The following DFFB variants were observed in gnomAD, a reference collection of about 807,000 sequenced individuals.
DFFB encodes DNA fragmentation factor 40 kDa subunit.
Under a neutral mutation model 32.7 loss-of-function variants are expected in DFFB, and 29 were observed. The observed-to-expected ratio is 0.89, with a 90% confidence interval of 0.66 to 1.21. The LOEUF (loss-of-function observed/expected upper bound fraction) is 1.21, where lower values mean the gene tolerates loss of function less well. DFFB is among the 50% of genes most tolerant of loss of function. DFFB has a pLI of 0.00. For missense variants in DFFB, 398 were observed against 440.6 expected, an observed-to-expected ratio of 0.90 and a Z score of 0.87; for synonymous variants, 170 against 177.1, an observed-to-expected ratio of 0.96 and a Z score of 0.32.
In DFFB at chr1:3,876,238, G is replaced by A. The variant is rs79859351; in HGVS notation, c.782+3666G>A. ...AAGTACCCAAAAATGTTTTCTCCCC[G>A]CCATCCAAATGCTCTTGTCCTTTTC... is the stretch of plus-strand genomic sequence containing the variant. On this transcript the variant is annotated intron_variant, in intron 6 of 6. Coordinates refer to ENST00000378209, the MANE Select transcript of DFFB (RefSeq NM_004402.4). Among the ~76,000 whole-genome samples the A allele has an allele frequency of 8.0e-3, 1,212 of 152,238 alleles. 11 individuals carry two copies. Among genetic ancestry groups the A allele is most frequent in the African/African-American group, 0.027 (1,120 of 41,530 alleles).
At chr1:3,868,280 C>T (rs1018212131) in intron 4 of DFFB, among the ~76,000 whole-genome samples, 5 of 152,094 alleles carry the variant, frequency 3.3e-5, no homozygotes, top group African/African-American at 9.7e-5. Flanking sequence ...CTTGAGGTCA[C>T]GGGTTGGGGA....
intron 6 of DFFB, chr1:3,872,984 G>A (rs956545868): frequency 3.9e-6 from 5 of 1,266,854 alleles, no homozygotes; most frequent in Non-Finnish European, 5.1e-6. Flanking sequence ...GATAGGTAAG[G>A]GTGTTTTTCC....
intron 4 of DFFB, among the ~76,000 whole-genome samples, chr1:3,868,687 A>AAGC (rs1557716328): frequency 9.3e-5 from 13 of 140,160 alleles, no homozygotes; most frequent in Middle Eastern, 3.7e-3. Context: ...ACGCCACACC[A>AAGC]CACCAGGCCA....
chr1:3,862,166 G>C (rs1293316721), intron 2 of DFFB, among the ~76,000 whole-genome samples: 1 of 152,190 alleles, frequency 6.6e-6, no homozygotes, highest in African/African-American at 2.4e-5. Flanking sequence ...ACAAAAAATT[G>C]TAATACTTAT....
chr1:3,883,936 T>C lies in DFFB; in HGVS notation c.*195T>C. ...TTGGGGTTTTTTTTGTTGTTTTGTT[T>C]TGTTTTGTAGATGGAGTTTCACTTT... On this transcript the variant is annotated 3_prime_UTR_variant, in exon 7 of 7. Transcript: ENST00000378209. The C allele has an allele frequency of 1.7e-6, 1 of 595,946 alleles. No homozygotes were observed. Among genetic ancestry groups the C allele is most frequent in the Non-Finnish European group, 2.9e-6 (1 of 339,774 alleles). 36.9% of individuals were successfully genotyped at this position (595,946 alleles called of 1,614,324 possible).
chr1:3,864,391 C>G (rs183417593), intron 2 of DFFB, among the ~76,000 whole-genome samples: 1 of 152,316 alleles, frequency 6.6e-6, no homozygotes, highest in South Asian at 2.1e-4. Flanking sequence ...CTTTCCACTG[C>G]GCAGTTTCTG....
intron 4 of DFFB, among the ~76,000 whole-genome samples, chr1:3,868,693 G>GCCCACACCACACCAA (rs1645046540): frequency 1.1e-3 from 8 of 6,984 alleles, no homozygotes; most frequent in Non-Finnish European, 2.5e-3. Context: ...CACCACACCA[G>GCCCACACCACACCAA]GCCACACCAC....
chr1:3,869,922 G>C, intron 5 of DFFB, 147 bp downstream of exon 5: 2 of 864,032 alleles, frequency 2.3e-6, no homozygotes, highest in Non-Finnish European at 3.4e-6. Flanking sequence ...CCCAGGGAGG[G>C]CGGCAGTGTC....
intron 6 of DFFB, among the ~76,000 whole-genome samples, chr1:3,877,040 C>T (rs916658448): frequency 3.3e-4 from 51 of 152,300 alleles, no homozygotes; most frequent in Middle Eastern, 3.4e-3. Context: ...GAAAGCTCCC[C>T]TTTCCTGGAG....
At chr1:3,867,334 C>T (rs71634375) in intron 3 of DFFB, among the ~76,000 whole-genome samples, 26,415 of 152,250 alleles carry the variant, frequency 0.17, 2,984 homozygotes, top group Non-Finnish European at 0.27. Flanking sequence ...CTGTTCACTC[C>T]GCTGCGTGTA....
chr1:3,880,730 C>T (rs1219717572), intron 6 of DFFB, among the ~76,000 whole-genome samples: 2 of 151,530 alleles, frequency 1.3e-5, no homozygotes, highest in African/African-American at 4.9e-5. Flanking sequence ...GCCCGGAGCT[C>T]GCTTGGGCCT....
intron 5 of DFFB, among the ~76,000 whole-genome samples, chr1:3,871,029 G>C (rs1446221100): frequency 6.6e-6 from 1 of 152,226 alleles, no homozygotes; most frequent in African/African-American, 2.4e-5. Flanking sequence ...CTCTGCATTG[G>C]GATCACAGGG....
intron 6 of DFFB, 120 bp from the exon 7 acceptor site, chr1:3,883,387 G>C: frequency 1.1e-6 from 1 of 903,220 alleles, no homozygotes. Flanking sequence ...AGGTGCGGCC[G>C]TGTGTCCGTG....
chr1:3,864,588 C>T (rs1644939627), intron 2 of DFFB, among the ~76,000 whole-genome samples: 2 of 152,218 alleles, frequency 1.3e-5, no homozygotes, highest in African/African-American at 4.8e-5. Context: ...AGTGCAGTGG[C>T]AATCATGGCT....
chr1:3,874,517 A>G (rs1645184289), intron 6 of DFFB, among the ~76,000 whole-genome samples: 1 of 32,446 alleles, frequency 3.1e-5, no homozygotes, highest in Non-Finnish European at 5.8e-5. Flanking sequence ...AGAGCCGTGT[A>G]GCTGCACCTT....
chr1:3,877,515 A>C (rs1645248807), intron 6 of DFFB, among the ~76,000 whole-genome samples: 2 of 151,682 alleles, frequency 1.3e-5, no homozygotes, highest in African/African-American at 4.9e-5. Context: ...CTTTTGGTAG[A>C]GACGGGGTTT....
Position 3,884,554 on chromosome 1 carries a change from G to A in DFFB, c.*813G>A, listed in dbSNP as rs1638306833. 1 of 152,146 alleles carries A rather than the reference G, an allele frequency of 6.6e-6. No individual in the cohort carries two copies. Among genetic ancestry groups the A allele is most frequent in the Admixed American group, 6.6e-5 (1 of 15,252 alleles). The allele number at this position is 152,146 out of a possible 1,614,324, so 9.4% of individuals were successfully genotyped here. ...TTTATACTCCGTAAAGAACATACAA[G>A]GACATTCACTGCTGATTTTTTTTTT... On this transcript the variant is annotated 3_prime_UTR_variant, in exon 7 of 7. Coordinates refer to ENST00000378209, the MANE Select transcript of DFFB (RefSeq NM_004402.4).
chr1:3,867,892 G>T, intron 3 of DFFB, 82 bp from the exon 4 acceptor site: 1 of 1,247,358 alleles, frequency 8.0e-7, no homozygotes, highest in Non-Finnish European at 1.2e-6. Flanking sequence ...TGCCCTGCTT[G>T]GCACCTGGGC....
chr1:3,859,232 G>C (rs1644831998), intron 2 of DFFB, among the ~76,000 whole-genome samples: 1 of 152,100 alleles, frequency 6.6e-6, no homozygotes, highest in Non-Finnish European at 1.5e-5. Context: ...CCTTCTGGAA[G>C]GACGAGGTGG....
Sources: allele counts gnomAD v4.1 joint callset (sites outside exome capture counted in the v4.1 genomes callset), GRCh38; gene constraint gnomAD v4.1.1; transcripts MANE v1.5; gene names NCBI Gene and HGNC (gene_info 2026-07-23, HGNC 2026-07-21).